Variants in PCDHA2 observed in about 807,000 individuals in gnomAD.
PCDHA2 encodes the protein protocadherin alpha-2.
PCDHA2 carries 58 observed loss-of-function variants against 66.0 expected under a neutral mutation model. The observed-to-expected ratio is 0.88, with a 90% CI of 0.71 to 1.09. PCDHA2 has a LOEUF of 1.09. Ranked by LOEUF, PCDHA2 falls within the 50% of genes least tolerant of loss-of-function variation. The pLI, the probability that PCDHA2 is intolerant of heterozygous loss-of-function variation, is 0.00. For missense variants in PCDHA2, 1,267 were observed against 1,242.3 expected (o/e 1.02, Z -0.30); for synonymous variants, 634 against 554.0 (o/e 1.14, Z -2.03).
intron 1 of PCDHA2, among the ~76,000 whole-genome samples, chr5:140,939,281 G>A (rs1554212652): frequency 6.6e-6 from 1 of 152,014 alleles, no homozygotes; most frequent in African/African-American, 2.4e-5. Context: ...CTGTGCCCTC[G>A]TGATCTAATC....
In PCDHA2 at chr5:140,795,146, C is replaced by T. The variant is rs1050159776; in HGVS notation, c.182C>T (p.Pro61Leu). ...GGGCTGGAGCTGGAGGAGCTGGTGC[C>T]GCGCCTGTTCCGGGTGGCGTCCAAA... Reference protein sequence around the residue: ...DLGLELEELVPRLFRVASKRH... With the variant: ...DLGLELEELVLRLFRVASKRH... The change falls in exon 1 of 4, where the codon CCG (proline) becomes CTG (leucine). Residue 61 changes from proline (P) to leucine (L), a missense_variant. Coordinates refer to ENST00000526136, the MANE Select transcript of PCDHA2 (RefSeq NM_018905.3). 6.2e-7 allele frequency: 1 copy of T among 1,613,896 alleles called. No homozygotes were observed. Among genetic ancestry groups the T allele is most frequent in the Non-Finnish European group, 8.5e-7 (1 of 1,180,028 alleles).
Position 140,795,828 on chromosome 5 carries a change from T to G in PCDHA2, c.864T>G (p.Thr288=). 9 of 1,613,838 alleles carry G rather than the reference T, an allele frequency of 5.6e-6. No individual in the cohort carries two copies. The highest frequency in any genetic ancestry group is 7.6e-6 in the Non-Finnish European group (9 of 1,179,914). ...VYSLGSDVSS[T]IQTKFTIDPI... ...CACTCGGTAGTGATGTGTCCTCCAC[T>G]ATACAGACTAAGTTTACCATAGATC... The change falls in exon 1 of 4, where the codon ACT becomes ACG. Residue 288 remains threonine, a synonymous_variant. Transcript: ENST00000526136.
chr5:140,805,692 T>C, intron 1 of PCDHA2: 1 of 659,766 alleles, frequency 1.5e-6, no homozygotes, highest in Non-Finnish European at 1.9e-6. Context: ...AGATCATGAT[T>C]ACCAAGAATT....
rs1366864610 is a variant in PCDHA2 at position 141,006,125 on chromosome 5, G to A, written c.2537-3502G>A. ...AAGGAGTTTTTTTTTTTTTTCTCAA[G>A]GCAGTAGAAAGCTTAAGCAGAGGAG... On this transcript the variant is annotated intron_variant, in intron 3 of 3. Transcript: ENST00000526136. 4.7e-5 allele frequency among the ~76,000 whole-genome samples: 7 copies of A among 149,644 alleles called. No individual in the cohort carries two copies. The South Asian group carries it at 1.3e-3, about 27-fold the overall frequency.
chr5:140,809,940 G>A (rs1257733835), intron 1 of PCDHA2: 2 of 165,572 alleles, frequency 1.2e-5, no homozygotes, highest in Admixed American at 6.0e-5. Flanking sequence ...TTGTATGAAA[G>A]TGAAAAGCTC....
At chr5:140,899,508 T>C (rs1389762615) in intron 1 of PCDHA2, among the ~76,000 whole-genome samples, 4 of 151,990 alleles carry the variant, frequency 2.6e-5, no homozygotes, top group Admixed American at 1.3e-4. Flanking sequence ...GATTTGCATA[T>C]ATTGCATCCC....
At chr5:140,948,018 T>A (rs1308826509) in intron 1 of PCDHA2, among the ~76,000 whole-genome samples, 1 of 151,290 alleles carries the variant, frequency 6.6e-6, no homozygotes, top group Non-Finnish European at 1.5e-5. Context: ...GAAGTACCCT[T>A]TCTGGTTTGC....
chr5:140,834,516 G>A (rs1433865569), intron 1 of PCDHA2: 5 of 1,613,992 alleles, frequency 3.1e-6, no homozygotes, highest in African/African-American at 2.7e-5. Flanking sequence ...TGGCAACTTC[G>A]TGGGCCGCAT....
intron 1 of PCDHA2, among the ~76,000 whole-genome samples, chr5:140,922,043 C>T (rs1305034895): frequency 6.6e-6 from 1 of 152,068 alleles, no homozygotes; most frequent in East Asian, 1.9e-4. Flanking sequence ...AATTTTCCCA[C>T]ATACCTTCAA....
At chr5:140,920,842 A>G (rs1377558160) in intron 1 of PCDHA2, among the ~76,000 whole-genome samples, 1 of 127,576 alleles carries the variant, frequency 7.8e-6, no homozygotes, top group Non-Finnish European at 1.7e-5. Flanking sequence ...GACCAAATCT[A>G]AAAAAAAAAA....
intron 1 of PCDHA2, among the ~76,000 whole-genome samples, chr5:140,969,939 G>A (rs188120855): frequency 4.6e-5 from 7 of 152,340 alleles, no homozygotes; most frequent in Admixed American, 2.6e-4. Context: ...ACATCATACT[G>A]AAGCTAAAGT....
chr5:140,819,774 A>G (rs1344723205), intron 1 of PCDHA2, among the ~76,000 whole-genome samples: 3 of 152,082 alleles, frequency 2.0e-5, no homozygotes, highest in Admixed American at 2.0e-4. Context: ...TGAAATATCT[A>G]TATAAGTACA....
rs2150152042 is a variant in PCDHA2, at chr5:140,828,184, C to G, written c.2388+30832C>G. On this transcript the variant is annotated intron_variant, in intron 1 of 3. Transcript: ENST00000526136. ...CCTGGAAGGTGGGGAGCGGCCAGCT[C>G]CACTACTCCGTACCCGAGGAGGCCA... 6.4e-5 allele frequency: 104 copies of G among 1,614,162 alleles called. 2 individuals carry two copies. In the South Asian group the frequency reaches 1.1e-3, roughly 18 times the overall value.
intron 1 of PCDHA2, chr5:140,876,199 G>C: frequency 6.2e-7 from 1 of 1,613,940 alleles, no homozygotes; most frequent in South Asian, 1.1e-5. Flanking sequence ...TCCGGCGTTT[G>C]ATAAGCCCAG....
chr5:141,009,584 A>G, intron 3 of PCDHA2, 43 bp from the exon 4 acceptor site: 1 of 1,592,004 alleles, frequency 6.3e-7, no homozygotes, highest in Non-Finnish European at 8.6e-7. Context: ...CATCAAGAGC[A>G]TGTGTTGACC....
At chr5:140,944,291 G>A (rs155813) in intron 1 of PCDHA2, among the ~76,000 whole-genome samples, 48,239 of 151,966 alleles carry the variant, frequency 0.32, 8,008 homozygotes, top group East Asian at 0.53. Flanking sequence ...GGGCTCAAGC[G>A]ATCCTCCTAC....
chr5:140,901,234 T>C (rs1013983503), intron 1 of PCDHA2, among the ~76,000 whole-genome samples: 1 of 152,156 alleles, frequency 6.6e-6, no homozygotes, highest in Non-Finnish European at 1.5e-5. Flanking sequence ...ATATATCCAT[T>C]TTTTTCCTTT....
chr5:140,889,424 A>G (rs2062220483), intron 1 of PCDHA2, among the ~76,000 whole-genome samples: 1 of 151,956 alleles, frequency 6.6e-6, no homozygotes, highest in African/African-American at 2.4e-5. Context: ...CGTAGATAAT[A>G]TTTTTTCAGG....
In PCDHA2 at chr5:140,795,954, G is replaced by A. The variant is rs952716239; in HGVS notation, c.990G>A (p.Met330Ile). 2 of 1,614,104 alleles carry A rather than the reference G, an allele frequency of 1.2e-6. No homozygotes were observed. The highest frequency in any genetic ancestry group is 3.3e-5 in the Admixed American group (2 of 60,006). Residue 330 changes from methionine to isoleucine, a missense_variant, in exon 1 of 4, where the codon ATG (methionine) becomes ATA (isoleucine). Coordinates refer to ENST00000526136, the MANE Select transcript of PCDHA2 (RefSeq NM_018905.3). ...VTATDKGTPS[M>I]SGHCKISLKL... ...CAACTGACAAAGGAACCCCTTCAAT[G>A]TCAGGACATTGTAAAATTTCATTAA...
Sources: gnomAD v4.1 joint callset for allele counts (sites outside exome capture counted in the v4.1 genomes callset) on GRCh38, gnomAD v4.1.1 for gene constraint, MANE v1.5 for transcripts, NCBI Gene and HGNC (gene_info 2026-07-23, HGNC 2026-07-21) for gene names.